The following KMT2C variants were observed in gnomAD, a reference collection of about 807,000 sequenced individuals.
KMT2C encodes the protein lysine methyltransferase 2C, also known as histone-lysine N-methyltransferase 2C.
Under a neutral mutation model 507.9 loss-of-function variants are expected in KMT2C, and 88 were observed. That is an observed-to-expected ratio of 0.17 (90% CI 0.15 to 0.21). The LOEUF is 0.21. Ranked by LOEUF, KMT2C falls within the 10% of genes least tolerant of loss-of-function variation. The pLI is 1.00. For missense variants in KMT2C, 4,954 were observed against 5,957.8 expected, an observed-to-expected ratio of 0.83 and a Z score of 5.55; for synonymous variants, 2,049 against 2,080.8, an observed-to-expected ratio of 0.98 and a Z score of 0.42.
intron 1 of KMT2C, among the ~76,000 whole-genome samples, chr7:152,432,436 G>A (rs1185971680): frequency 6.6e-6 from 1 of 152,202 alleles, no homozygotes; most frequent in East Asian, 1.9e-4. Context: ...CAATGGTTAA[G>A]ACCTGTGCCT....
intron 6 of KMT2C, among the ~76,000 whole-genome samples, chr7:152,301,267 G>A (rs563566535): frequency 4.0e-5 from 6 of 151,810 alleles, no homozygotes; most frequent in Non-Finnish European, 8.8e-5. Flanking sequence ...CACTTTGGGA[G>A]GCCGAAGTGG....
intron 1 of KMT2C, among the ~76,000 whole-genome samples, chr7:152,361,433 G>GAAAGCAT (rs2097196558): frequency 6.6e-6 from 1 of 151,662 alleles, no homozygotes; most frequent in Non-Finnish European, 1.5e-5. Context: ...CGTGGTAGTG[G>GAAAGCAT]GCGCCTGTAG....
intron 1 of KMT2C, among the ~76,000 whole-genome samples, chr7:152,376,697 C>T (rs1254089367): frequency 6.6e-6 from 1 of 152,186 alleles, no homozygotes; most frequent in Non-Finnish European, 1.5e-5. Context: ...AGGAAAAATG[C>T]TCTCGTCATA....
At chr7:152,141,917 G>A (rs1462532130) in intron 55 of KMT2C, among the ~76,000 whole-genome samples, 2 of 152,032 alleles carry the variant, frequency 1.3e-5, no homozygotes, top group Admixed American at 6.5e-5. Context: ...GGCTACTCAG[G>A]AGGCTGAGGT....
chr7:152,359,039 A>C (rs1283311079), intron 1 of KMT2C, among the ~76,000 whole-genome samples: 1 of 152,226 alleles, frequency 6.6e-6, no homozygotes, highest in Non-Finnish European at 1.5e-5. Context: ...AAGTTCACAT[A>C]CCAGGTTTAA....
At chr7:152,261,696 TG>T (rs1389589603) in intron 9 of KMT2C, among the ~76,000 whole-genome samples, 5 of 152,226 alleles carry the variant, frequency 3.3e-5, no homozygotes, top group Admixed American at 2.0e-4. Flanking sequence ...TAGTCTTAAA[TG>T]TCCTTTTTCC....
rs1398703119 is a variant in KMT2C, at chr7:152,136,155, T to A, written c.*677A>T. 9.6e-6 allele frequency: 2 copies of A among 207,536 alleles called. No individual in the cohort carries two copies. The highest frequency in any genetic ancestry group is 2.3e-5 in the African/African-American group (1 of 43,976). 12.9% of individuals were successfully genotyped at this position (207,536 alleles called of 1,614,324 possible). A position where few individuals can be genotyped will look rare whatever the true frequency, so the allele number is the denominator to read the frequency against. ...TAACTTTATTTAAAAATAGCTTCATTCACTTATTCAATAATAAATACAAAA... is the reference window on the plus strand; with the variant it reads ...TAACTTTATTTAAAAATAGCTTCATACACTTATTCAATAATAAATACAAAA... On this transcript the variant is annotated 3_prime_UTR_variant, in exon 59 of 59. Transcript: ENST00000262189.
intron 6 of KMT2C, among the ~76,000 whole-genome samples, chr7:152,274,395 G>A (rs936659563): frequency 7.9e-5 from 12 of 152,132 alleles, no homozygotes; most frequent in African/African-American, 2.6e-4. Flanking sequence ...CTTCAATGTA[G>A]CAATCAACTT....
chr7:152,369,862 A>G (rs1172107628), intron 1 of KMT2C, among the ~76,000 whole-genome samples: 1 of 149,700 alleles, frequency 6.7e-6, no homozygotes, highest in African/African-American at 2.6e-5. Context: ...ATAGCAATAG[A>G]AAATGAACTA....
rs150347338 is a variant in KMT2C, at chr7:152,162,504, T to C, written c.11073A>G (p.Gln3691=). The C allele has an allele frequency of 6.2e-7, 1 of 1,614,240 alleles. No homozygotes were observed. Among genetic ancestry groups the C allele is most frequent in the Non-Finnish European group, 8.5e-7 (1 of 1,180,042 alleles). The change falls in exon 43 of 59, where the codon CAA becomes CAG. Residue 3691 remains glutamine (Q), a synonymous_variant. Transcript: ENST00000262189. ...CATACGTCTGTTGATTTGGAGTTGCTTGTGAGAAATCACTATTGGGCAGTT... is the reference window on the plus strand; with the variant it reads ...CATACGTCTGTTGATTTGGAGTTGCCTGTGAGAAATCACTATTGGGCAGTT... ...ENKLPNSDFS[Q]ATPNQQTYAN...
At position 152,325,911 on chromosome 7, in the gene KMT2C, C is replaced by CT. The variant is rs74740965; in HGVS notation, c.389+4689dup. 3.0e-3 allele frequency among the ~76,000 whole-genome samples: 404 copies of CT among 136,348 alleles called. 1 individual carries two copies. The highest frequency in any genetic ancestry group is 6.4e-3 in the African/African-American group (225 of 35,286). The allele number at this position is 136,348 out of a possible 152,430, so 89.4% of individuals were successfully genotyped here. ...GTAGACATGAATAAATTAGGTCTTT[C>CT]TTTTTTTTTTTTTTTAAAGTATGTC... On this transcript the variant is annotated intron_variant, in intron 3 of 58. Coordinates refer to ENST00000262189, the MANE Select transcript of KMT2C (RefSeq NM_170606.3).
intron 20 of KMT2C, 88 bp from the exon 21 acceptor site, chr7:152,222,770 A>C: frequency 1.3e-6 from 1 of 744,738 alleles, no homozygotes; most frequent in Admixed American, 2.2e-5. Flanking sequence ...CTGAGTCTTC[A>C]AACTTAAAAG....
At chr7:152,380,554 G>A (rs2097364937) in intron 1 of KMT2C, among the ~76,000 whole-genome samples, 1 of 149,506 alleles carries the variant, frequency 6.7e-6, no homozygotes, top group Admixed American at 6.7e-5. Context: ...GGCAACAAGA[G>A]CGAAACTCTG....
chr7:152,321,912 A>C (rs1428145227), intron 3 of KMT2C, among the ~76,000 whole-genome samples: 1 of 151,942 alleles, frequency 6.6e-6, no homozygotes, highest in Non-Finnish European at 1.5e-5. Flanking sequence ...CACAGAAATA[A>C]ATTATCCTTA....
intron 1 of KMT2C, among the ~76,000 whole-genome samples, chr7:152,399,492 A>G (rs1341610120): frequency 6.6e-6 from 1 of 152,166 alleles, no homozygotes; most frequent in East Asian, 1.9e-4. Flanking sequence ...ACTTTGGGGT[A>G]AAACAATGGA....
intron 6 of KMT2C, among the ~76,000 whole-genome samples, chr7:152,298,638 T>C (rs769221099): frequency 1.2e-4 from 18 of 152,256 alleles, no homozygotes; most frequent in Non-Finnish European, 2.5e-4. Context: ...GCAAGAAATG[T>C]TAAAGGATAT....
chr7:152,202,154 T>C (rs1262829673), intron 26 of KMT2C, among the ~76,000 whole-genome samples: 1 of 152,242 alleles, frequency 6.6e-6, no homozygotes, highest in Non-Finnish European at 1.5e-5. Flanking sequence ...ATCAGATGAA[T>C]AGTTGTCTAC....
intron 40 of KMT2C, among the ~76,000 whole-genome samples, chr7:152,169,525 C>A (rs2092869342): frequency 6.6e-6 from 1 of 152,080 alleles, no homozygotes; most frequent in South Asian, 2.1e-4. Context: ...AAATATAATA[C>A]AGGGCAAATC....
chr7:152,142,034 A>C (rs777115321), intron 55 of KMT2C, among the ~76,000 whole-genome samples: 2 of 152,238 alleles, frequency 1.3e-5, no homozygotes, highest in Middle Eastern at 3.2e-3. Context: ...AGAAGAAGAA[A>C]GAAAATCAGT....
Sources: gnomAD v4.1 joint callset for allele counts (sites outside exome capture counted in the v4.1 genomes callset) on GRCh38, gnomAD v4.1.1 for gene constraint, MANE v1.5 for transcripts, NCBI Gene and HGNC (gene_info 2026-07-23, HGNC 2026-07-21) for gene names.